Variants in MAGI2 observed in about 807,000 individuals in gnomAD.
The protein encoded by MAGI2 is membrane-associated guanylate kinase, WW and PDZ domain-containing protein 2.
A neutral mutation model predicts 133.3 loss-of-function variants in MAGI2; 35 were observed. The ratio of observed to expected loss-of-function variants is 0.26; its 90% CI spans 0.20 to 0.35. The LOEUF (loss-of-function observed/expected upper bound fraction) is 0.35, where lower values mean the gene tolerates loss of function less well. Ranked by LOEUF, MAGI2 falls within the 10% of genes least tolerant of loss-of-function variation. MAGI2 has a pLI of 1.00. For synonymous variants in MAGI2, 729 were observed against 710.6 expected, an observed-to-expected ratio of 1.03 and a Z score of -0.41; for missense variants, 1,636 against 1,863.4, an observed-to-expected ratio of 0.88 and a Z score of 2.25.
intron 2 of MAGI2, among the ~76,000 whole-genome samples, chr7:78,881,700 T>G (rs1054231182): frequency 6.6e-6 from 1 of 151,956 alleles, no homozygotes; most frequent in African/African-American, 2.4e-5. Context: ...CCCAAATGAC[T>G]TCTGAATAAA....
At chr7:79,028,237 A>ATATATATATATATATATATATGTATG (rs1810122236) in intron 1 of MAGI2, among the ~76,000 whole-genome samples, 1 of 28,674 alleles carries the variant, frequency 3.5e-5, no homozygotes, top group Admixed American at 3.9e-4. Context: ...ATATGTATGT[A>ATATATATATATATATATATATGTATG]TATATATATA....
intron 3 of MAGI2, among the ~76,000 whole-genome samples, chr7:78,551,661 C>T (rs1019130881): frequency 1.3e-5 from 2 of 152,224 alleles, no homozygotes; most frequent in African/African-American, 4.8e-5. Context: ...AACTTCTCAT[C>T]CAGCTGTTGT....
At chr7:78,557,718 G>C (rs970561590) in intron 3 of MAGI2, among the ~76,000 whole-genome samples, 1 of 152,114 alleles carries the variant, frequency 6.6e-6, no homozygotes, top group African/African-American at 2.4e-5. Flanking sequence ...AAGTTTTCTT[G>C]TTACAGCCCT....
intron 2 of MAGI2, among the ~76,000 whole-genome samples, chr7:78,836,814 C>A (rs17389497): frequency 6.6e-6 from 1 of 151,930 alleles, no homozygotes; most frequent in Non-Finnish European, 1.5e-5. Context: ...GGTGCTGAAC[C>A]CTGTATGCCG....
chr7:79,038,833 T>C (rs1327042099), intron 1 of MAGI2, among the ~76,000 whole-genome samples: 1 of 152,228 alleles, frequency 6.6e-6, no homozygotes, highest in African/African-American at 2.4e-5. Flanking sequence ...TGTGTGTGTC[T>C]AGTCTGTTGT....
intron 2 of MAGI2, among the ~76,000 whole-genome samples, chr7:78,877,575 T>G (rs1228450307): frequency 6.6e-6 from 1 of 152,200 alleles, no homozygotes; most frequent in Non-Finnish European, 1.5e-5. Flanking sequence ...GGGCAAGGGT[T>G]GAAGGCTGTA....
chr7:78,828,487 A>G (rs1054610837), intron 2 of MAGI2, among the ~76,000 whole-genome samples: 3 of 151,852 alleles, frequency 2.0e-5, no homozygotes, highest in African/African-American at 7.2e-5. Context: ...GACATTCTAT[A>G]AAATGCCTAA....
chr7:78,316,331 C>A (rs1228181711), intron 9 of MAGI2, among the ~76,000 whole-genome samples: 3 of 152,140 alleles, frequency 2.0e-5, no homozygotes, highest in African/African-American at 7.2e-5. Context: ...AGTGCTGATA[C>A]AGATACAGTG....
At chr7:78,402,817 T>G (rs946132079) in intron 6 of MAGI2, among the ~76,000 whole-genome samples, 1 of 152,164 alleles carries the variant, frequency 6.6e-6, no homozygotes, top group African/African-American at 2.4e-5. Flanking sequence ...TCCATATACT[T>G]GGATAAGTAT....
At chr7:79,126,560 C>T (rs1261666295) in intron 1 of MAGI2, among the ~76,000 whole-genome samples, 1 of 152,048 alleles carries the variant, frequency 6.6e-6, no homozygotes, top group East Asian at 1.9e-4. Context: ...GACACAGTAT[C>T]AGTCCTGGAT....
At chr7:78,735,519 T>A (rs960342470) in intron 2 of MAGI2, among the ~76,000 whole-genome samples, 1 of 152,236 alleles carries the variant, frequency 6.6e-6, no homozygotes, top group African/African-American at 2.4e-5. Flanking sequence ...AACATTGGCA[T>A]TGGTTTTCCT....
chr7:78,095,215 G>T (rs904692804), intron 20 of MAGI2, among the ~76,000 whole-genome samples: 1 of 152,184 alleles, frequency 6.6e-6, no homozygotes, highest in Non-Finnish European at 1.5e-5. Flanking sequence ...GCTGTCTCTC[G>T]TGAGGATGAT....
chr7:79,011,924 C>CTTTCTTTCTTTCTTT (rs1808170160), intron 1 of MAGI2, among the ~76,000 whole-genome samples: 19 of 121,284 alleles, frequency 1.6e-4, no homozygotes, highest in East Asian at 7.4e-4. Flanking sequence ...TTCCTTCCTT[C>CTTTCTTTCTTTCTTT]CTTTCTTTCT....
chr7:79,374,383 C>T (rs1843246052), intron 1 of MAGI2, among the ~76,000 whole-genome samples: 1 of 151,522 alleles, frequency 6.6e-6, no homozygotes, highest in African/African-American at 2.4e-5. Flanking sequence ...GAGAAGATGG[C>T]CATGTACAAG....
intron 2 of MAGI2, among the ~76,000 whole-genome samples, chr7:78,643,116 G>A (rs943332199): frequency 3.5e-4 from 53 of 152,122 alleles, no homozygotes; most frequent in African/African-American, 1.2e-3. Flanking sequence ...AATAACACAA[G>A]TACCTCTTAA....
intron 3 of MAGI2, among the ~76,000 whole-genome samples, chr7:78,594,432 A>G (rs1584775021): frequency 6.6e-6 from 1 of 152,194 alleles, no homozygotes; most frequent in East Asian, 1.9e-4. Context: ...GCCTTGAAGC[A>G]TGACAAGATA....
At chr7:78,641,702 T>A (rs1419946717) in intron 2 of MAGI2, among the ~76,000 whole-genome samples, 3 of 152,164 alleles carry the variant, frequency 2.0e-5, no homozygotes, top group South Asian at 4.1e-4. Flanking sequence ...AATTTTTTTT[T>A]AAACTTCTTC....
At chr7:78,385,592 A>G (rs1047203719) in intron 6 of MAGI2, among the ~76,000 whole-genome samples, 1 of 152,188 alleles carries the variant, frequency 6.6e-6, no homozygotes, top group Non-Finnish European at 1.5e-5. Flanking sequence ...AATTGAATGT[A>G]TATAGCCAGA....
intron 1 of MAGI2, among the ~76,000 whole-genome samples, chr7:79,434,325 G>A (rs967466467): frequency 1.3e-5 from 2 of 152,120 alleles, no homozygotes; most frequent in African/African-American, 4.8e-5. Context: ...TTGAATCACA[G>A]AAGGTATAGA....
Sources: gnomAD v4.1 joint callset for allele counts (sites outside exome capture counted in the v4.1 genomes callset) on GRCh38, gnomAD v4.1.1 for gene constraint, MANE v1.5 for transcripts, NCBI Gene and HGNC (gene_info 2026-07-23, HGNC 2026-07-21) for gene names.